CEP112: variants seen among roughly 807,000 people sequenced by gnomAD.
CEP112 encodes the protein centrosomal protein 112, also known as centrosomal protein of 112 kDa.
Under a neutral mutation model 153.0 loss-of-function variants are expected in CEP112, and 127 were observed. The ratio of observed to expected loss-of-function variants is 0.83; its 90% CI spans 0.72 to 0.96. CEP112 has a LOEUF of 0.96. Among genes scored for constraint, CEP112 ranks in the 40% least tolerant of loss-of-function variants. The pLI is 0.00. For synonymous variants in CEP112, 358 were observed against 374.4 expected, an observed-to-expected ratio of 0.96 and a Z score of 0.51; for missense variants, 1,089 against 1,101.2, an observed-to-expected ratio of 0.99 and a Z score of 0.16.
intron 17 of CEP112, among the ~76,000 whole-genome samples, chr17:65,973,006 T>G (rs545087123): frequency 7.2e-5 from 11 of 152,346 alleles, no homozygotes; most frequent in Middle Eastern, 3.4e-3. Flanking sequence ...CCTCAGGTGA[T>G]CTGCCCGCCT....
intron 21 of CEP112, among the ~76,000 whole-genome samples, chr17:65,807,737 G>A (rs2055696892): frequency 1.3e-5 from 2 of 152,324 alleles, no homozygotes; most frequent in Non-Finnish European, 2.9e-5. Flanking sequence ...GTGCACAGAA[G>A]GCAAAAGTTT....
intron 4 of CEP112, among the ~76,000 whole-genome samples, chr17:66,151,961 T>C (rs921335867): frequency 1.3e-5 from 2 of 152,274 alleles, no homozygotes; most frequent in East Asian, 3.9e-4. Context: ...TTTAGAGTAA[T>C]TTGTAATGGA....
intron 17 of CEP112, among the ~76,000 whole-genome samples, chr17:65,983,396 A>G (rs954638526): frequency 6.6e-6 from 1 of 152,120 alleles, no homozygotes; most frequent in Non-Finnish European, 1.5e-5. Flanking sequence ...TTAGTCTTTT[A>G]TATAGTTGGG....
chr17:66,090,780 T>G (rs1032439434), intron 8 of CEP112, among the ~76,000 whole-genome samples: 3 of 152,122 alleles, frequency 2.0e-5, no homozygotes, highest in Admixed American at 6.5e-5. Context: ...AATTCAACTA[T>G]ATGCTTCCTA....
intron 5 of CEP112, 56 bp downstream of exon 5, chr17:66,132,614 T>C (rs1166944928): frequency 1.7e-6 from 2 of 1,198,138 alleles, no homozygotes; most frequent in Admixed American, 1.7e-5. Context: ...TAAAACTTTG[T>C]TCAGCTATTT....
intron 6 of CEP112, among the ~76,000 whole-genome samples, chr17:66,106,240 T>G (rs2068777053): frequency 6.6e-6 from 1 of 151,974 alleles, no homozygotes; most frequent in African/African-American, 2.4e-5. Context: ...TGATACATCT[T>G]AAAGAATTAG....
intron 20 of CEP112, among the ~76,000 whole-genome samples, chr17:65,875,475 C>T (rs762301324): frequency 2.3e-4 from 35 of 152,078 alleles, no homozygotes; most frequent in Non-Finnish European, 2.9e-5. Context: ...CTCTGATGAT[C>T]GTGACCTTAA....
Position 65,851,851 on chromosome 17 carries a change from C to A in CEP112, c.2347G>T (p.Glu783Ter). 1 of 1,614,092 alleles carries A rather than the reference C, an allele frequency of 6.2e-7. No homozygotes were observed. The highest frequency in any genetic ancestry group is 8.5e-7 in the Non-Finnish European group (1 of 1,179,980). ...LKAESEKMKI[E>*]LKKTHAAETE... The stretch of plus-strand genomic sequence containing the variant: ...TCAGCAGCATGAGTCTTTTTCAGCT[C>A]TATTTTCATCTTTTCTGATTCAGCC... Residue 783 changes from glutamate to a stop codon, truncating the protein, a stop_gained, in exon 21 of 27, where the codon GAG becomes TAG. Coordinates refer to ENST00000535342, the MANE Select transcript of CEP112 (RefSeq NM_001199165.4). LOFTEE classifies it high-confidence loss of function.
rs143546341 is a variant in CEP112 at position 65,844,086 on chromosome 17, C to T, written c.2394+7718G>A. 8.3e-3 allele frequency among the ~76,000 whole-genome samples: 1,265 copies of T among 152,004 alleles called. 14 individuals are homozygous for T. The highest frequency in any genetic ancestry group is 0.02 in the South Asian group (96 of 4,812). On this transcript the variant is annotated intron_variant, in intron 21 of 26. Transcript: ENST00000535342. Reference sequence around the variant, plus strand: ...AAAAAGACATGAACAGGCAATTTCCCGAAAATGAAATATAAATAAATAACA... The same window carrying T: ...AAAAAGACATGAACAGGCAATTTCCTGAAAATGAAATATAAATAAATAACA...
intron 21 of CEP112, among the ~76,000 whole-genome samples, chr17:65,810,551 G>C (rs916790490): frequency 3.0e-4 from 45 of 151,908 alleles, no homozygotes; most frequent in African/African-American, 1.0e-3. Context: ...TAACTAACCA[G>C]TTTAGATCTA....
intron 24 of CEP112, chr17:65,654,796 C>A: frequency 2.6e-6 from 1 of 379,262 alleles, no homozygotes; most frequent in Non-Finnish European, 5.0e-6. Context: ...ATAACATAGT[C>A]AAAGGCCAGA....
At chr17:65,948,556 T>G (rs2144592072) in intron 18 of CEP112, among the ~76,000 whole-genome samples, 1 of 147,670 alleles carries the variant, frequency 6.8e-6, no homozygotes, top group African/African-American at 2.5e-5. Context: ...TAGAACGCTG[T>G]TTCTTTGAAA....
intron 24 of CEP112, among the ~76,000 whole-genome samples, chr17:65,675,281 A>C (rs1035460173): frequency 2.0e-5 from 3 of 152,210 alleles, no homozygotes; most frequent in Admixed American, 6.5e-5. Context: ...ATTAATTACA[A>C]ATCTTCCAAC....
chr17:65,718,395 C>T (rs532640415), intron 23 of CEP112, among the ~76,000 whole-genome samples: 54 of 147,142 alleles, frequency 3.7e-4, no homozygotes, highest in African/African-American at 6.3e-4. Flanking sequence ...GCAACAAGAG[C>T]GAAACTCCAT....
At chr17:65,921,049 G>A (rs1023507870) in intron 19 of CEP112, among the ~76,000 whole-genome samples, 4 of 150,662 alleles carry the variant, frequency 2.7e-5, no homozygotes, top group Non-Finnish European at 5.9e-5. Flanking sequence ...TATCATCCTC[G>A]ACTGACTGAG....
chr17:65,718,232 C>A (rs982316264), intron 23 of CEP112, among the ~76,000 whole-genome samples: 2 of 151,810 alleles, frequency 1.3e-5, no homozygotes, highest in African/African-American at 4.8e-5. Flanking sequence ...ATGGTGAAAC[C>A]CCGTCTCTAC....
At position 66,053,713 on chromosome 17, in the gene CEP112, C is replaced by T. The variant is rs370783569; in HGVS notation, c.1218+23G>A. On this transcript the variant is annotated intron_variant, in intron 12 of 26. Coordinates refer to ENST00000535342, the MANE Select transcript of CEP112 (RefSeq NM_001199165.4). ...ATTGAGAAGACAGGTTCTAAGATGT[C>T]AAGAACAGGTTTAAAGACTCACTGT... is the stretch of plus-strand genomic sequence containing the variant. 2.2e-5 allele frequency: 35 copies of T among 1,599,404 alleles called. No homozygotes were observed. The African/African-American group carries it at 4.7e-4, about 21-fold the overall frequency.
Position 65,751,518 on chromosome 17 carries a change from T to C in CEP112, c.2395-794A>G, listed in dbSNP as rs538849737. Among the ~76,000 whole-genome samples the C allele has an allele frequency of 6.6e-5, 10 of 152,188 alleles. 1 individual carries two copies. Among genetic ancestry groups the C allele is most frequent in the Non-Finnish European group, 1.3e-4 (9 of 68,032 alleles). On this transcript the variant is annotated intron_variant, in intron 21 of 26. Coordinates refer to ENST00000535342, the MANE Select transcript of CEP112 (RefSeq NM_001199165.4). ...TCTTTCACTCTGAACTTGTGTCCTT[T>C]ACTACTGGGAAAGGCTGGTCATTAC...
chr17:65,780,853 A>C (rs1486415879), intron 21 of CEP112, among the ~76,000 whole-genome samples: 3 of 152,128 alleles, frequency 2.0e-5, no homozygotes, highest in African/African-American at 7.2e-5. Flanking sequence ...TTTGAATTAT[A>C]AGCTTTGAAT....
Sources: allele counts gnomAD v4.1 joint callset (sites outside exome capture counted in the v4.1 genomes callset), GRCh38; gene constraint gnomAD v4.1.1; transcripts MANE v1.5; gene names NCBI Gene and HGNC (gene_info 2026-07-23, HGNC 2026-07-21).